The following RYR3 variants were observed in gnomAD, a reference collection of about 807,000 sequenced individuals.
The protein encoded by RYR3 is brain ryanodine receptor-calcium release channel.
In RYR3, 207 loss-of-function variants were observed where a neutral mutation model predicts 584.3. The observed-to-expected ratio is 0.35, with a 90% CI of 0.32 to 0.40. The LOEUF (loss-of-function observed/expected upper bound fraction) is 0.40, where lower values mean the gene tolerates loss of function less well. RYR3 is among the 10% of genes least tolerant of loss of function. The pLI, the probability that RYR3 is intolerant of heterozygous loss-of-function variation, is 1.00. For synonymous variants in RYR3, 2,416 were observed against 2,248.5 expected, an observed-to-expected ratio of 1.07 and a Z score of -2.11; for missense variants, 5,616 against 6,089.2, an observed-to-expected ratio of 0.92 and a Z score of 2.59.
At position 33,636,317 on chromosome 15, in the gene RYR3, C is replaced by G. The variant is rs566540119; in HGVS notation, c.3382-59C>G. 5 of 1,440,218 alleles carry G rather than the reference C, an allele frequency of 3.5e-6. No homozygotes were observed. The East Asian group carries it at 6.8e-5, about 20-fold the overall frequency. 89.2% of individuals were successfully genotyped at this position (1,440,218 alleles called of 1,614,324 possible). A position where few individuals can be genotyped will look rare whatever the true frequency, so the allele number is the denominator to read the frequency against. The stretch of plus-strand genomic sequence containing the variant: ...AGATATCGAAGATATGGTCATTTCT[C>G]CAGCTGCTGGGGCCTCTAGAGACTC... On this transcript the variant is annotated intron_variant, in intron 26 of 103. Transcript: ENST00000634891.
Position 33,857,926 on chromosome 15 carries a change from C to T in RYR3, c.14142+12C>T. On this transcript the variant is annotated intron_variant, in intron 99 of 103. Transcript: ENST00000634891. ...ACGACATGATGACGGTGAGAGCCCACCCACTGCGGGGCCAGCCCACCCACT... is the reference window on the plus strand; with the variant it reads ...ACGACATGATGACGGTGAGAGCCCATCCACTGCGGGGCCAGCCCACCCACT... The T allele has an allele frequency of 7.2e-7, 1 of 1,380,022 alleles. No individual in the cohort carries two copies. The highest frequency in any genetic ancestry group is 9.6e-7 in the Non-Finnish European group (1 of 1,037,540). The allele number at this position is 1,380,022 out of a possible 1,614,324, so 85.5% of individuals were successfully genotyped here. A position where few individuals can be genotyped will look rare whatever the true frequency, so the allele number is the denominator to read the frequency against.
At chr15:33,355,526 C>T (rs1357416523) in intron 1 of RYR3, among the ~76,000 whole-genome samples, 1 of 152,150 alleles carries the variant, frequency 6.6e-6, no homozygotes, top group Admixed American at 6.5e-5. Context: ...TAATAAGCAT[C>T]AGAGATAGGT....
intron 62 of RYR3, among the ~76,000 whole-genome samples, chr15:33,770,131 A>G (rs1171122976): frequency 6.6e-6 from 1 of 151,478 alleles, no homozygotes. Flanking sequence ...TAAAAAAAAA[A>G]AAAGAAAGAA....
At chr15:33,380,329 C>G (rs1038085749) in intron 1 of RYR3, among the ~76,000 whole-genome samples, 1 of 152,128 alleles carries the variant, frequency 6.6e-6, no homozygotes, top group African/African-American at 2.4e-5. Flanking sequence ...GAGGCCTGTT[C>G]TTGGAGGCAG....
intron 62 of RYR3, among the ~76,000 whole-genome samples, chr15:33,770,360 TTTG>T (rs1468042436): frequency 1.3e-5 from 2 of 152,160 alleles, no homozygotes; most frequent in African/African-American, 4.8e-5. Flanking sequence ...AGTCCAGTTT[TTTG>T]TTTGTTTGTT....
At chr15:33,840,640 C>T (rs2152983573) in intron 89 of RYR3, 185 bp from the exon 90 acceptor site, 1 of 604,922 alleles carries the variant, frequency 1.7e-6, no homozygotes, top group South Asian at 2.1e-5. Context: ...AAATCTTTGT[C>T]TTGGCATCTC....
intron 43 of RYR3, among the ~76,000 whole-genome samples, chr15:33,717,156 C>G (rs1203263962): frequency 6.6e-6 from 1 of 152,188 alleles, no homozygotes; most frequent in Non-Finnish European, 1.5e-5. Context: ...ACCATCCACC[C>G]TGCATGGTTT....
In RYR3 at chr15:33,827,248, T is replaced by C. The variant is rs375876517; in HGVS notation, c.11295T>C (p.Asn3765=). ...RTQMGNTTTV[N]VIISTVDYLL... ...AGATGGGCAACACCACCACCGTGAATGTCATCATCAGCACTGTGGACTACC... is the reference window on the plus strand; with the variant it reads ...AGATGGGCAACACCACCACCGTGAACGTCATCATCAGCACTGTGGACTACC... The change falls in exon 85 of 104, where the codon AAT becomes AAC. Residue 3765 remains asparagine (N), a synonymous_variant. Transcript: ENST00000634891. 2.3e-5 allele frequency: 36 copies of C among 1,552,806 alleles called. No individual in the cohort carries two copies. The highest frequency in any genetic ancestry group is 3.1e-5 in the Non-Finnish European group (36 of 1,147,758).
At chr15:33,843,306 C>T (rs539050885) in intron 91 of RYR3, among the ~76,000 whole-genome samples, 182 bp from the exon 92 acceptor site, 15 of 151,474 alleles carry the variant, frequency 9.9e-5, no homozygotes, top group South Asian at 4.2e-4. Flanking sequence ...GGGGACAGAG[C>T]GAGACTCCAT....
At chr15:33,349,085 T>C (rs953475504) in intron 1 of RYR3, among the ~76,000 whole-genome samples, 2 of 151,922 alleles carry the variant, frequency 1.3e-5, no homozygotes, top group Non-Finnish European at 2.9e-5. Context: ...CTGTATCTTT[T>C]TGTGGCTTGA....
Position 33,659,768 on chromosome 15 carries a change from A to G in RYR3, c.4357A>G (p.Ser1453Gly). The G allele has an allele frequency of 6.2e-7, 1 of 1,613,318 alleles. No individual in the cohort carries two copies. Among genetic ancestry groups the G allele is most frequent in the Non-Finnish European group, 8.5e-7 (1 of 1,179,336 alleles). The change falls in exon 33 of 104, where the codon AGT (serine) becomes GGT (glycine). Residue 1453 changes from serine (S) to glycine (G), a missense_variant. Transcript: ENST00000634891. ...TCCAGCAGTCTTCCTGCAGCCTACA[A>G]GTACTTCTTTGTTTCAGTTTGAACT... ...VFPAVFLQPTSTSLFQFELGK... is the reference protein window; with the variant it reads ...VFPAVFLQPTGTSLFQFELGK...
At chr15:33,762,764 CT>C (rs1433005900) in intron 60 of RYR3, among the ~76,000 whole-genome samples, 1 of 152,144 alleles carries the variant, frequency 6.6e-6, no homozygotes, top group Non-Finnish European at 1.5e-5. Flanking sequence ...TAGAAAAAAA[CT>C]ACTTTAAATT....
chr15:33,818,202 C>T (rs1009879383), intron 75 of RYR3, among the ~76,000 whole-genome samples: 7 of 152,144 alleles, frequency 4.6e-5, no homozygotes, highest in South Asian at 2.1e-4. Context: ...AGAGAGCAGT[C>T]TCTCAGGTGT....
intron 1 of RYR3, among the ~76,000 whole-genome samples, chr15:33,414,298 G>C (rs1206956121): frequency 6.6e-6 from 1 of 152,178 alleles, no homozygotes; most frequent in Non-Finnish European, 1.5e-5. Flanking sequence ...ATTTTTAAAT[G>C]GTTTGGAGAG....
intron 20 of RYR3, among the ~76,000 whole-genome samples, chr15:33,627,360 A>G (rs11634117): frequency 6.6e-6 from 1 of 152,232 alleles, no homozygotes; most frequent in Non-Finnish European, 1.5e-5. Flanking sequence ...GGAGCAAAAC[A>G]CCAGGAAAAT....
At chr15:33,613,425 C>T (rs775107349) in intron 19 of RYR3, 50 bp downstream of exon 19, 29 of 1,523,900 alleles carry the variant, frequency 1.9e-5, no homozygotes, top group South Asian at 6.4e-5. Context: ...CCCACCTCCC[C>T]GCCACCACTG....
At chr15:33,634,798 C>A in intron 25 of RYR3, 65 bp downstream of exon 25, 1 of 1,396,644 alleles carries the variant, frequency 7.2e-7, no homozygotes, top group Non-Finnish European at 1.0e-6. Flanking sequence ...TTGGGGCATC[C>A]TAACTTCAAA....
intron 36 of RYR3, among the ~76,000 whole-genome samples, chr15:33,665,225 G>T (rs1014761640): frequency 5.3e-5 from 8 of 152,146 alleles, no homozygotes; most frequent in Non-Finnish European, 1.0e-4. Flanking sequence ...TTGGGCTGTG[G>T]GTTCCCAAAC....
At chr15:33,522,472 C>T (rs946867072) in intron 3 of RYR3, among the ~76,000 whole-genome samples, 8 of 152,150 alleles carry the variant, frequency 5.3e-5, no homozygotes, top group Non-Finnish European at 1.2e-4. Flanking sequence ...GCTCAGGCAC[C>T]TCTGACTCTC....
Sources: allele counts gnomAD v4.1 joint callset (sites outside exome capture counted in the v4.1 genomes callset), GRCh38; gene constraint gnomAD v4.1.1; transcripts MANE v1.5; gene names NCBI Gene and HGNC (gene_info 2026-07-23, HGNC 2026-07-21).